The following USP16 variants were observed in gnomAD, a reference collection of about 807,000 sequenced individuals.
USP16 encodes the protein ubiquitin carboxyl-terminal hydrolase 16.
USP16 carries 77 observed loss-of-function variants against 95.9 expected under a neutral mutation model. That is an observed-to-expected ratio of 0.80 (90% CI 0.67 to 0.97). The LOEUF (loss-of-function observed/expected upper bound fraction) is 0.97. USP16 is among the 50% of genes least tolerant of loss of function. USP16 has a pLI of 0.00. For missense variants in USP16, 943 were observed against 959.9 expected, an observed-to-expected ratio of 0.98 and a Z score of 0.23; for synonymous variants, 303 against 318.2, an observed-to-expected ratio of 0.95 and a Z score of 0.51.
At chr21:29,027,621 C>G (rs1223935455) in intron 1 of USP16, among the ~76,000 whole-genome samples, 1 of 152,190 alleles carries the variant, frequency 6.6e-6, no homozygotes, top group East Asian at 1.9e-4. Context: ...AGGTTCTCTC[C>G]TGACCTTTAC....
chr21:29,037,438 CA>C lies in USP16; in HGVS notation c.612del (p.Cys205ValfsTer20). On this transcript the variant is annotated frameshift_variant, in exon 6 of 18. Coordinates refer to ENST00000399976, the MANE Select transcript of USP16 (RefSeq NM_006447.3). LOFTEE classifies it high-confidence loss of function. ...TVKGLSNLGN[T>X]CFFNAVMQNL... ...AAAGGACTCAGTAATTTGGGAAACA[CA>C]TGTTTCTTCAATGCAGTTATGCAGG... 1 of 1,595,342 alleles carries C rather than the reference CA, an allele frequency of 6.3e-7. No individual in the cohort carries two copies. The highest frequency in any genetic ancestry group is 8.5e-7 in the Non-Finnish European group (1 of 1,174,174).
At chr21:29,024,961 C>A in intron 1 of USP16, 184 bp downstream of exon 1, 4 of 547,522 alleles carry the variant, frequency 7.3e-6, no homozygotes, top group Non-Finnish European at 1.1e-5. Context: ...AGAAGCTGGC[C>A]AATGAGATGC....
At chr21:29,026,853 G>T (rs1388919026) in intron 1 of USP16, among the ~76,000 whole-genome samples, 1 of 151,902 alleles carries the variant, frequency 6.6e-6, no homozygotes, top group Non-Finnish European at 1.5e-5. Flanking sequence ...AACTTTAGTG[G>T]TTTTTTTTGT....
chr21:29,033,480 A>G (rs561382579), intron 3 of USP16, among the ~76,000 whole-genome samples: 17 of 152,360 alleles, frequency 1.1e-4, no homozygotes, highest in African/African-American at 4.1e-4. Flanking sequence ...CTGTGATCCA[A>G]AAGTTGATAG....
chr21:29,030,861 T>C, intron 3 of USP16, 88 bp downstream of exon 3: 1 of 1,413,184 alleles, frequency 7.1e-7, no homozygotes, highest in African/African-American at 1.4e-5. Context: ...ACAGTATGGA[T>C]AAAAGGATAC....
intron 1 of USP16, chr21:29,025,848 T>C: frequency 2.2e-6 from 1 of 459,590 alleles, no homozygotes; most frequent in Non-Finnish European, 2.9e-6. Flanking sequence ...ATGCTAGATA[T>C]TATAGGCAGT....
chr21:29,046,318 T>C (rs1203239657), intron 13 of USP16, among the ~76,000 whole-genome samples: 1 of 152,102 alleles, frequency 6.6e-6, no homozygotes, highest in African/African-American at 2.4e-5. Context: ...TATTTTTATT[T>C]TTTTTTAGAG....
In USP16 at chr21:29,046,648, C is replaced by T. The variant is rs765287531; in HGVS notation, c.1357-19C>T. On this transcript the variant is annotated intron_variant, in intron 13 of 17. Transcript: ENST00000399976. ...CTTTCTTTTTCTTTATTTTTTGATG[C>T]CGTATACTTTTTACCCAGAACCAAC... The T allele has an allele frequency of 6.4e-6, 10 of 1,573,132 alleles. No individual in the cohort carries two copies. The highest frequency in any genetic ancestry group is 1.2e-5 in the South Asian group (1 of 83,324).
rs144778465 is a variant in USP16 at position 29,047,970 on chromosome 21, G to GTATATA, written c.2011+656_2011+661dup. On this transcript the variant is annotated intron_variant, in intron 14 of 17. Coordinates refer to ENST00000399976, the MANE Select transcript of USP16 (RefSeq NM_006447.3). ...TGTATATATATATATGTGTGTGTAT[G>GTATATA]TATATATATATAAGCTCAGAGACTA... Among the ~76,000 whole-genome samples the GTATATA allele has an allele frequency of 1.8e-3, 273 of 148,686 alleles. 2 individuals carry two copies. Among genetic ancestry groups the GTATATA allele is most frequent in the African/African-American group, 6.4e-3 (256 of 40,174 alleles).
In USP16 at chr21:29,048,733, CCT is replaced by C. The variant is rs542659066; in HGVS notation, c.2012-27_2012-26del. ...TTTAGGGGTCTAAAATGATTTTCTCCCTGTTAAAAATTTCTTCTTTTCTTTAG... is the reference window on the plus strand; with the variant it reads ...TTTAGGGGTCTAAAATGATTTTCTCCGTTAAAAATTTCTTCTTTTCTTTAG... On this transcript the variant is annotated intron_variant, in intron 14 of 17. Coordinates refer to ENST00000399976, the MANE Select transcript of USP16 (RefSeq NM_006447.3). 2.2e-3 allele frequency: 3,417 copies of C among 1,567,754 alleles called. 8 individuals carry two copies. Among genetic ancestry groups the C allele is most frequent in the Non-Finnish European group, 2.7e-3 (3,046 of 1,141,330 alleles).
intron 16 of USP16, chr21:29,053,495 G>C (rs2085447417): frequency 3.8e-6 from 1 of 262,678 alleles, no homozygotes; most frequent in Non-Finnish European, 7.3e-6. Context: ...GGGTTGTTAA[G>C]AATTATCCTC....
At position 29,029,067 on chromosome 21, in the gene USP16, C is replaced by T. The variant is rs187535291; in HGVS notation, c.61+1093C>T. On this transcript the variant is annotated intron_variant, in intron 2 of 17. Coordinates refer to ENST00000399976, the MANE Select transcript of USP16 (RefSeq NM_006447.3). The stretch of plus-strand genomic sequence containing the variant: ...AGTGCCCATTTCCCTGAACCTTCAT[C>T]GGCACTGGTTAGTATCATCTGTAAA... Among the ~76,000 whole-genome samples, 306 of 152,334 alleles carry T rather than the reference C, an allele frequency of 2.0e-3. 1 individual carries two copies. The highest frequency in any genetic ancestry group is 5.4e-3 in the African/African-American group (225 of 41,570).
rs779427386 is a variant in USP16 at position 29,047,023 on chromosome 21, C to G, written c.1713C>G (p.Asp571Glu). Residue 571 changes from aspartate (D) to glutamate (E), a missense_variant, in exon 14 of 18, where the codon GAC (aspartate) becomes GAG (glutamate). By Grantham distance (45) the Asp-to-Glu change is conservative. Transcript: ENST00000399976. ...YLTEGSNGEV[D>E]ISNGFKNLNL... is the part of the protein sequence containing the mutation. ...CGGAAGGGAGCAATGGAGAAGTGGA[C>G]ATTTCCAATGGTTTCAAAAACCTAA... The G allele has an allele frequency of 5.0e-6, 8 of 1,613,944 alleles. No homozygotes were observed.
rs749309927 is a variant in USP16, at chr21:29,054,145, A to G, written c.2430A>G (p.Leu810=). The change falls in exon 18 of 18, where the codon CTA becomes CTG. Residue 810 remains leucine, a synonymous_variant. Coordinates refer to ENST00000399976, the MANE Select transcript of USP16 (RefSeq NM_006447.3). Reference sequence around the variant, plus strand: ...AAGCTGTGCCTACAACTAAAGTACTAAACTCACAAGCGTACCTCCTATTTT... The same window carrying G: ...AAGCTGTGCCTACAACTAAAGTACTGAACTCACAAGCGTACCTCCTATTTT... The part of the protein sequence containing the change: ...HVQAVPTTKV[L]NSQAYLLFYE... 1 of 1,614,214 alleles carries G rather than the reference A, an allele frequency of 6.2e-7. No individual in the cohort carries two copies. Among genetic ancestry groups the G allele is most frequent in the Non-Finnish European group, 8.5e-7 (1 of 1,180,014 alleles).
chr21:29,047,608 A>G lies in USP16; in HGVS notation c.2011+287A>G, dbSNP rs574705072. Among the ~76,000 whole-genome samples, 113 of 152,068 alleles carry G rather than the reference A, an allele frequency of 7.4e-4. 1 individual carries two copies. Among genetic ancestry groups the G allele is most frequent in the Middle Eastern group, 3.4e-3 (1 of 294 alleles). ...CACAGCATCCTGACACATAGTGGCTATTTTTTTCCACCCTTACCTCCTTTG... is the reference window on the plus strand; with the variant it reads ...CACAGCATCCTGACACATAGTGGCTGTTTTTTTCCACCCTTACCTCCTTTG... On this transcript the variant is annotated intron_variant, in intron 14 of 17. Coordinates refer to ENST00000399976, the MANE Select transcript of USP16 (RefSeq NM_006447.3).
At chr21:29,026,579 G>A (rs1266270281) in intron 1 of USP16, 5 of 108,088 alleles carry the variant, frequency 4.6e-5, no homozygotes, top group Non-Finnish European at 6.8e-5. Context: ...ATAGAGTGTC[G>A]CTTTGTTGCC....
At chr21:29,052,516 C>T (rs1488207513) in intron 16 of USP16, 1 of 152,150 alleles carries the variant, frequency 6.6e-6, no homozygotes, top group African/African-American at 2.4e-5. Context: ...ATGGGAAAGA[C>T]CTGCTCCCAT....
chr21:29,040,716 C>A, intron 10 of USP16, 29 bp downstream of exon 10: 2 of 1,280,120 alleles, frequency 1.6e-6, no homozygotes, highest in Non-Finnish European at 1.1e-6. Context: ...AACTAAAACA[C>A]TATAGTTGAA....
chr21:29,038,992 G>C (rs1291932145), intron 7 of USP16, 34 bp from the exon 8 acceptor site: 2 of 1,460,252 alleles, frequency 1.4e-6, no homozygotes, highest in Non-Finnish European at 9.1e-7. Context: ...TCCAGAATTT[G>C]ACTGAAGAAA....
Sources: gnomAD v4.1 joint callset for allele counts (sites outside exome capture counted in the v4.1 genomes callset) on GRCh38, gnomAD v4.1.1 for gene constraint, MANE v1.5 for transcripts, NCBI Gene and HGNC (gene_info 2026-07-23, HGNC 2026-07-21) for gene names.